The following SIL1 variants were observed in gnomAD, a reference collection of about 807,000 sequenced individuals.
SIL1 encodes the protein nucleotide exchange factor SIL1.
A neutral mutation model predicts 49.1 loss-of-function variants in SIL1; 40 were observed. The ratio of observed to expected loss-of-function variants is 0.81; its 90% confidence interval spans 0.63 to 1.06. The LOEUF (loss-of-function observed/expected upper bound fraction) is 1.06, where lower values mean the gene tolerates loss of function less well. SIL1 is among the 50% of genes least tolerant of loss of function. The pLI, the probability that SIL1 is intolerant of heterozygous loss-of-function variation, is 0.00. For synonymous variants in SIL1, 253 were observed against 250.8 expected, an observed-to-expected ratio of 1.01 and a Z score of -0.08; for missense variants, 500 against 572.6, an observed-to-expected ratio of 0.87 and a Z score of 1.29.
chr5:139,137,795 G>A (rs1751005100), intron 1 of SIL1, among the ~76,000 whole-genome samples: 1 of 150,488 alleles, frequency 6.6e-6, no homozygotes, highest in Non-Finnish European at 1.5e-5. Context: ...CTAGCCATAT[G>A]TAGAAAGGAC....
intron 4 of SIL1, among the ~76,000 whole-genome samples, chr5:139,043,806 C>G (rs1490258188): frequency 6.6e-6 from 1 of 152,156 alleles, no homozygotes; most frequent in Non-Finnish European, 1.5e-5. Context: ...CAGAGGTAAG[C>G]ACAAGAATGA....
chr5:139,046,740 G>C (rs1769175972), intron 4 of SIL1, among the ~76,000 whole-genome samples: 1 of 152,218 alleles, frequency 6.6e-6, no homozygotes, highest in South Asian at 2.1e-4. Context: ...ACATGGCTGT[G>C]GTTTGGATCA....
rs1770761077 is a variant in SIL1 at position 139,108,140 on chromosome 5, G to A, written c.244+12895C>T. The A allele has an allele frequency of 2.6e-5, 4 of 152,278 alleles. No individual in the cohort carries two copies. The South Asian group carries it at 6.2e-4, about 24-fold the overall frequency. The allele number at this position is 152,278 out of a possible 1,614,324, so 9.4% of individuals were successfully genotyped here. A position where few individuals can be genotyped will look rare whatever the true frequency, so the allele number is the denominator to read the frequency against. The stretch of plus-strand genomic sequence containing the variant: ...TAGGCTTTATCTTTCTTCCAAAGAC[G>A]ACGAAATACTCCACTTGAATTTCTG... On this transcript the variant is annotated intron_variant, in intron 3 of 9. Transcript: ENST00000394817.
chr5:139,096,338 A>C (rs371417622), intron 3 of SIL1, among the ~76,000 whole-genome samples: 15 of 152,208 alleles, frequency 9.9e-5, no homozygotes, highest in African/African-American at 2.9e-4. Flanking sequence ...TGGGTCTCTA[A>C]GTAAACTTGA....
intron 7 of SIL1, among the ~76,000 whole-genome samples, chr5:139,008,478 TTTAG>T (rs1041826858): frequency 3.2e-5 from 4 of 124,550 alleles, no homozygotes; most frequent in African/African-American, 1.5e-4. Flanking sequence ...CTGCTCTGAA[TTTAG>T]TTATTTCTTG....
intron 1 of SIL1, chr5:139,137,505 T>C (rs1415294557): frequency 1.9e-6 from 1 of 527,310 alleles, no homozygotes; most frequent in East Asian, 3.1e-5. Flanking sequence ...AGGCACATTT[T>C]GTGTCAGGAC....
intron 3 of SIL1, among the ~76,000 whole-genome samples, chr5:139,073,007 T>C (rs1769869400): frequency 6.6e-6 from 1 of 152,140 alleles, no homozygotes; most frequent in Non-Finnish European, 1.5e-5. Flanking sequence ...CACAATGAAG[T>C]ATCACCAGAC....
At chr5:139,034,848 T>C (rs968798187) in intron 5 of SIL1, among the ~76,000 whole-genome samples, 3 of 152,250 alleles carry the variant, frequency 2.0e-5, no homozygotes, top group African/African-American at 7.2e-5. Context: ...TGCCACACTG[T>C]TTTCCACAAT....
intron 1 of SIL1, among the ~76,000 whole-genome samples, chr5:139,172,557 C>T (rs1334723030): frequency 4.0e-5 from 6 of 149,496 alleles, no homozygotes; most frequent in Non-Finnish European, 7.4e-5. Flanking sequence ...TGCTTGAACC[C>T]GGGAGGTGGA....
At chr5:139,064,033 A>G (rs756198193) in intron 3 of SIL1, among the ~76,000 whole-genome samples, 1 of 152,192 alleles carries the variant, frequency 6.6e-6, no homozygotes, top group African/African-American at 2.4e-5. Flanking sequence ...TTGTACTTCA[A>G]TTTTTAATCC....
At chr5:138,975,388 C>T (rs1366081424) in intron 7 of SIL1, among the ~76,000 whole-genome samples, 1 of 152,150 alleles carries the variant, frequency 6.6e-6, no homozygotes, top group Non-Finnish European at 1.5e-5. Flanking sequence ...AGCTCAGCAC[C>T]GTGAGGCCAG....
chr5:139,040,484 C>CTTTTTTTTTTTTTTTTTTTTTTTTTTTT lies in SIL1; in HGVS notation c.453+2135_453+2136insAAAAAAAAAAAAAAAAAAAAAAAAAAAA, dbSNP rs140792595. On this transcript the variant is annotated intron_variant, in intron 5 of 9. Transcript: ENST00000394817. ...TTGCAAGGGGAGAGGAGTATTTTTT[C>CTTTTTTTTTTTTTTTTTTTTTTTTTTTT]TTTTTTCTTTTTTCTTTTTTTTTTT... Among the ~76,000 whole-genome samples the CTTTTTTTTTTTTTTTTTTTTTTTTTTTT allele has an allele frequency of 3.4e-5, 3 of 89,410 alleles. 1 individual carries two copies. The highest frequency in any genetic ancestry group is 4.2e-5 in the Non-Finnish European group (2 of 47,236). 58.7% of individuals were successfully genotyped at this position (89,410 alleles called of 152,430 possible). A position where few individuals can be genotyped will look rare whatever the true frequency, so the allele number is the denominator to read the frequency against.
intron 5 of SIL1, chr5:139,032,891 C>G (rs1400264103): frequency 2.0e-5 from 3 of 152,146 alleles, no homozygotes; most frequent in African/African-American, 7.2e-5. Context: ...TTAATTTCTG[C>G]AGGATCTGTA....
At chr5:139,135,076 T>C (rs938761257) in intron 1 of SIL1, among the ~76,000 whole-genome samples, 1 of 152,148 alleles carries the variant, frequency 6.6e-6, no homozygotes, top group Non-Finnish European at 1.5e-5. Context: ...AAGTTTGTAA[T>C]AGTCAGGCAA....
intron 6 of SIL1, among the ~76,000 whole-genome samples, chr5:139,025,225 C>T (rs978316396): frequency 2.6e-5 from 4 of 152,078 alleles, no homozygotes; most frequent in Admixed American, 1.3e-4. Context: ...TTGTTAGCTC[C>T]ACCTTTTGAG....
intron 7 of SIL1, among the ~76,000 whole-genome samples, chr5:138,963,646 AT>A (rs1212023157): frequency 6.6e-6 from 1 of 152,258 alleles, no homozygotes; most frequent in African/African-American, 2.4e-5. Flanking sequence ...TTGCTCAGAT[AT>A]TTAAGGTTCT....
intron 3 of SIL1, among the ~76,000 whole-genome samples, chr5:139,101,652 TTCAA>T (rs1159619322): frequency 1.3e-5 from 2 of 152,274 alleles, no homozygotes; most frequent in Non-Finnish European, 1.5e-5. Context: ...AATTCTGTTA[TTCAA>T]TCAGTCACCA....
At chr5:139,048,678 A>C (rs1039730841) in intron 4 of SIL1, among the ~76,000 whole-genome samples, 5 of 152,206 alleles carry the variant, frequency 3.3e-5, no homozygotes, top group Admixed American at 2.6e-4. Context: ...CCCCTAACTC[A>C]ATATTCATAA....
At chr5:138,990,540 G>C (rs892777695) in intron 7 of SIL1, among the ~76,000 whole-genome samples, 2 of 151,652 alleles carry the variant, frequency 1.3e-5, no homozygotes, top group African/African-American at 4.9e-5. Flanking sequence ...CTGCAGCCTC[G>C]ACCTCCCAGG....
Sources: gnomAD v4.1 joint callset for allele counts (sites outside exome capture counted in the v4.1 genomes callset) on GRCh38, gnomAD v4.1.1 for gene constraint, MANE v1.5 for transcripts, NCBI Gene and HGNC (gene_info 2026-07-23, HGNC 2026-07-21) for gene names.